The following SENP5 variants were observed in gnomAD, a reference collection of about 807,000 sequenced individuals.
SENP5 encodes the protein sentrin-specific protease 5.
In SENP5, 21 loss-of-function variants were observed where a neutral mutation model predicts 74.2. The ratio of observed to expected loss-of-function variants is 0.28; its 90% confidence interval spans 0.20 to 0.41. The LOEUF (loss-of-function observed/expected upper bound fraction) is 0.41, where lower values mean the gene tolerates loss of function less well. SENP5 is among the 10% of genes least tolerant of loss of function. The pLI is 1.00. For missense variants in SENP5, 717 were observed against 889.1 expected, an observed-to-expected ratio of 0.81 and a Z score of 2.46; for synonymous variants, 311 against 312.7, an observed-to-expected ratio of 0.99 and a Z score of 0.06.
chr3:196,896,611 C>T (rs149461952), intron 2 of SENP5, among the ~76,000 whole-genome samples: 1 of 152,250 alleles, frequency 6.6e-6, no homozygotes, highest in African/African-American at 2.4e-5. Context: ...CGCTAACATG[C>T]CCGGCTAATT....
chr3:196,928,712 G>T (rs182190819), intron 8 of SENP5, among the ~76,000 whole-genome samples: 49 of 152,182 alleles, frequency 3.2e-4, no homozygotes, highest in Middle Eastern at 3.4e-3. Context: ...CCCTTGAACC[G>T]AACCAAATGC....
At chr3:196,899,071 G>A (rs112619002) in intron 2 of SENP5, among the ~76,000 whole-genome samples, 1 of 122,374 alleles carries the variant, frequency 8.2e-6, no homozygotes, top group South Asian at 3.1e-4. Context: ...AGAGCGAGAC[G>A]CCATCTCAAA....
At chr3:196,884,733 G>A (rs987163354) in intron 1 of SENP5, among the ~76,000 whole-genome samples, 4 of 149,072 alleles carry the variant, frequency 2.7e-5, no homozygotes, top group Non-Finnish European at 4.4e-5. Flanking sequence ...GTGCAGTGGC[G>A]CGATTTTTGG....
rs1577849288 is a variant in SENP5 at position 196,926,355 on chromosome 3, G to A, written c.2023-1441G>A. On this transcript the variant is annotated intron_variant, in intron 7 of 9. Coordinates refer to ENST00000323460, the MANE Select transcript of SENP5 (RefSeq NM_152699.5). ...AAATTAGCTGGGCATGGTGGTGCAC[G>A]CCTGTAGTCCCAGCTACTCGGGAGG... Among the ~76,000 whole-genome samples the A allele has an allele frequency of 2.0e-5, 3 of 151,690 alleles. No homozygotes were observed. The South Asian group carries it at 6.2e-4, about 32-fold the overall frequency.
intron 5 of SENP5, among the ~76,000 whole-genome samples, chr3:196,900,805 C>T (rs555374125): frequency 4.6e-5 from 7 of 151,788 alleles, no homozygotes; most frequent in African/African-American, 1.2e-4. Flanking sequence ...AGGCTGGTCT[C>T]GAACTCCTGA....
intron 8 of SENP5, chr3:196,929,135 A>G (rs1715925343): frequency 6.5e-6 from 1 of 153,312 alleles, no homozygotes; most frequent in South Asian, 2.0e-4. Flanking sequence ...AGCCTGGGCG[A>G]CAGAGTGAGA....
chr3:196,877,581 T>G (rs1713535030), intron 1 of SENP5, among the ~76,000 whole-genome samples: 1 of 152,242 alleles, frequency 6.6e-6, no homozygotes, highest in Non-Finnish European at 1.5e-5. Flanking sequence ...CAGTATTTTT[T>G]TTTAAATCAC....
At chr3:196,869,947 A>G (rs1713138708) in intron 1 of SENP5, among the ~76,000 whole-genome samples, 1 of 151,426 alleles carries the variant, frequency 6.6e-6, no homozygotes, top group Non-Finnish European at 1.5e-5. Flanking sequence ...TCATAAACCC[A>G]GTGCTCTATA....
chr3:196,891,623 G>A (rs1309821113), intron 2 of SENP5, among the ~76,000 whole-genome samples: 2 of 152,120 alleles, frequency 1.3e-5, no homozygotes, highest in African/African-American at 4.8e-5. Context: ...TAGATTTAGC[G>A]AGACTCTATT....
Position 196,886,340 on chromosome 3 carries a change from A to T in SENP5, c.1159A>T (p.Ile387Phe), listed in dbSNP as rs968558356. Reference protein sequence around the residue: ...LPEHRSNTMFISETEREIMTL... With the variant: ...LPEHRSNTMFFSETEREIMTL... ...AGAACATCGTTCTAATACCATGTTCATTTCAGAAACTGAAAGAGAAATTAT... is the reference window on the plus strand; with the variant it reads ...AGAACATCGTTCTAATACCATGTTCTTTTCAGAAACTGAAAGAGAAATTAT... The change falls in exon 2 of 10, where the codon ATT becomes TTT. Residue 387 changes from isoleucine to phenylalanine, a missense_variant. Ile to Phe is a conservative substitution (Grantham distance 21). Coordinates refer to ENST00000323460, the MANE Select transcript of SENP5 (RefSeq NM_152699.5). 5.0e-6 allele frequency: 8 copies of T among 1,613,768 alleles called. No homozygotes were observed. Among genetic ancestry groups the T allele is most frequent in the Non-Finnish European group, 6.8e-6 (8 of 1,179,854 alleles).
intron 8 of SENP5, among the ~76,000 whole-genome samples, 171 bp downstream of exon 8, chr3:196,928,050 C>T (rs1470730928): frequency 6.6e-6 from 1 of 152,100 alleles, no homozygotes; most frequent in African/African-American, 2.4e-5. Flanking sequence ...CATCGCTGCT[C>T]AGTTGCCCAG....
chr3:196,900,213 T>G, intron 4 of SENP5, 151 bp downstream of exon 4: 1 of 1,164,500 alleles, frequency 8.6e-7, no homozygotes, highest in South Asian at 1.7e-5. Context: ...ACGGTTTGAT[T>G]ACTATTGGCA....
At chr3:196,898,039 G>T (rs112252678) in intron 2 of SENP5, among the ~76,000 whole-genome samples, 2 of 151,596 alleles carry the variant, frequency 1.3e-5, no homozygotes, top group Non-Finnish European at 2.9e-5. Context: ...TTAGCTGGGC[G>T]TGGTGGCGGG....
Position 196,885,706 on chromosome 3 carries a change from A to C in SENP5, c.525A>C (p.Gln175His), listed in dbSNP as rs376533631. 6.2e-7 allele frequency: 1 copy of C among 1,614,226 alleles called. No individual in the cohort carries two copies. The highest frequency in any genetic ancestry group is 2.2e-5 in the East Asian group (1 of 44,878). ...DFPMKFNGES[Q>H]SPGESGTIVV... ...CCATGAAGTTCAATGGGGAGAGCCA[A>C]AGTCCAGGTGAGAGTGGCACGATTG... The change falls in exon 2 of 10, where the codon CAA becomes CAC. Residue 175 changes from glutamine to histidine, a missense_variant. By Grantham distance (24) the Gln-to-His change is conservative. Coordinates refer to ENST00000323460, the MANE Select transcript of SENP5 (RefSeq NM_152699.5).
intron 2 of SENP5, among the ~76,000 whole-genome samples, chr3:196,888,389 G>A (rs1263167490): frequency 6.6e-6 from 1 of 151,596 alleles, no homozygotes; most frequent in Non-Finnish European, 1.5e-5. Flanking sequence ...TCAAGACGAG[G>A]CTGATCAACA....
intron 5 of SENP5, among the ~76,000 whole-genome samples, chr3:196,902,676 G>A (rs1055595976): frequency 6.6e-6 from 1 of 152,160 alleles, no homozygotes; most frequent in Non-Finnish European, 1.5e-5. Context: ...TCAAGTTACT[G>A]AATGAGCACT....
chr3:196,917,409 A>G (rs1178161153), intron 6 of SENP5, among the ~76,000 whole-genome samples: 1 of 152,112 alleles, frequency 6.6e-6, no homozygotes, highest in East Asian at 1.9e-4. Context: ...TCACTCAGAT[A>G]GTAACAGAAC....
intron 2 of SENP5, among the ~76,000 whole-genome samples, chr3:196,889,657 C>T (rs942950616): frequency 6.6e-6 from 1 of 152,200 alleles, no homozygotes; most frequent in African/African-American, 2.4e-5. Flanking sequence ...TCTCTTCTTC[C>T]TCCTACCAAA....
Position 196,931,507 on chromosome 3 carries a change from G to C in SENP5, c.*584G>C, listed in dbSNP as rs566588966. On this transcript the variant is annotated 3_prime_UTR_variant, in exon 10 of 10. Coordinates refer to ENST00000323460, the MANE Select transcript of SENP5 (RefSeq NM_152699.5). The stretch of plus-strand genomic sequence containing the variant: ...GGTGAGATGGAAGTGGTCGTAAACT[G>C]ACTGGTGTCTTCTGTTTCTGGAGGC... The C allele has an allele frequency of 5.2e-5, 10 of 193,850 alleles. No homozygotes were observed. The South Asian group carries it at 8.3e-4, about 16-fold the overall frequency. 12.0% of individuals were successfully genotyped at this position (193,850 alleles called of 1,614,324 possible).
Sources: allele counts gnomAD v4.1 joint callset (sites outside exome capture counted in the v4.1 genomes callset), GRCh38; gene constraint gnomAD v4.1.1; transcripts MANE v1.5; gene names NCBI Gene and HGNC (gene_info 2026-07-23, HGNC 2026-07-21).